Variants in ORC4 observed in about 807,000 individuals in gnomAD.
ORC4 encodes the protein origin recognition complex subunit 4.
A neutral mutation model predicts 63.9 loss-of-function variants in ORC4; 55 were observed. The ratio of observed to expected loss-of-function variants is 0.86; its 90% CI spans 0.69 to 1.08. The LOEUF (loss-of-function observed/expected upper bound fraction) is 1.08, where lower values mean the gene tolerates loss of function less well. Ranked by LOEUF, ORC4 falls within the 50% of genes least tolerant of loss-of-function variation. The pLI is 0.00. For synonymous variants in ORC4, 150 were observed against 168.5 expected (o/e 0.89, Z 0.85); for missense variants, 511 against 504.4 (o/e 1.01, Z -0.13).
At chr2:147,942,137 T>C (rs1329130987) in intron 10 of ORC4, among the ~76,000 whole-genome samples, 1 of 152,060 alleles carries the variant, frequency 6.6e-6, no homozygotes, top group Non-Finnish European at 1.5e-5. Flanking sequence ...CCAGACATAA[T>C]ATAGGTACTA....
chr2:148,014,982 G>C (rs1693179761), intron 1 of ORC4, among the ~76,000 whole-genome samples: 1 of 151,858 alleles, frequency 6.6e-6, no homozygotes, highest in South Asian at 2.1e-4. Context: ...GAAACAGTAA[G>C]AATATCACCA....
intron 1 of ORC4, among the ~76,000 whole-genome samples, chr2:147,986,889 C>T (rs1691234348): frequency 6.6e-6 from 1 of 150,816 alleles, no homozygotes; most frequent in South Asian, 2.1e-4. Flanking sequence ...CAGGTGGAAA[C>T]ATAAGTCGTT....
chr2:147,941,772 G>GTATA (rs555279244), intron 10 of ORC4, among the ~76,000 whole-genome samples: 2 of 151,212 alleles, frequency 1.3e-5, no homozygotes, highest in Non-Finnish European at 3.0e-5. Context: ...AGATGTGTGT[G>GTATA]TATATATATA....
At chr2:147,979,773 C>T (rs1021779725) in intron 1 of ORC4, among the ~76,000 whole-genome samples, 9 of 152,102 alleles carry the variant, frequency 5.9e-5, no homozygotes, top group Non-Finnish European at 8.8e-5. Context: ...TAAATCCATA[C>T]TTTTACAGTT....
At chr2:147,996,637 G>A (rs62169531) in intron 1 of ORC4, among the ~76,000 whole-genome samples, 20,680 of 152,128 alleles carry the variant, frequency 0.14, 1,709 homozygotes, top group Middle Eastern at 0.21. Context: ...TACAGAGGTG[G>A]CAAATAAGCA....
chr2:148,017,446 T>C (rs1032979677), intron 1 of ORC4, among the ~76,000 whole-genome samples: 1 of 152,160 alleles, frequency 6.6e-6, no homozygotes, highest in African/African-American at 2.4e-5. Flanking sequence ...CCAAGGTGGG[T>C]GGATCACTTG....
intron 1 of ORC4, among the ~76,000 whole-genome samples, chr2:147,996,059 C>T (rs540561658): frequency 5.5e-4 from 83 of 151,500 alleles, no homozygotes; most frequent in African/African-American, 1.9e-3. Context: ...AATCCCAGTG[C>T]TTTGGGAGGC....
intron 1 of ORC4, among the ~76,000 whole-genome samples, chr2:147,980,296 C>T (rs1690805029): frequency 6.6e-6 from 1 of 151,932 alleles, no homozygotes; most frequent in African/African-American, 2.4e-5. Context: ...TTACAAAGCA[C>T]TTACATTGTA....
chr2:147,941,799 C>T (rs909144697), intron 10 of ORC4, among the ~76,000 whole-genome samples: 5 of 151,920 alleles, frequency 3.3e-5, no homozygotes, highest in Non-Finnish European at 7.4e-5. Flanking sequence ...CACACATACA[C>T]ACACACACCC....
chr2:147,958,554 T>G (rs1293816371), intron 5 of ORC4, 171 bp from the exon 6 acceptor site: 1 of 610,484 alleles, frequency 1.6e-6, no homozygotes, highest in African/African-American at 1.9e-5. Context: ...ACAATCCTCC[T>G]TGGGATTAGA....
chr2:147,980,507 C>A (rs1367424397), intron 1 of ORC4, among the ~76,000 whole-genome samples: 2 of 151,288 alleles, frequency 1.3e-5, no homozygotes, highest in South Asian at 2.1e-4. Flanking sequence ...AAAACAACAA[C>A]AAAAAAAACT....
At chr2:147,989,150 T>C (rs1186537997) in intron 1 of ORC4, among the ~76,000 whole-genome samples, 2 of 152,178 alleles carry the variant, frequency 1.3e-5, no homozygotes, top group Non-Finnish European at 2.9e-5. Flanking sequence ...AATATGCTCA[T>C]TAGCAGCAGT....
At chr2:147,960,206 G>GT (rs1689510340) in intron 4 of ORC4, 8 of 964,854 alleles carry the variant, frequency 8.3e-6, no homozygotes, top group Non-Finnish European at 9.9e-6. Flanking sequence ...AAGGAGAGTT[G>GT]TAACAGATTT....
At chr2:148,002,637 C>G (rs1692384917) in intron 1 of ORC4, among the ~76,000 whole-genome samples, 2 of 152,162 alleles carry the variant, frequency 1.3e-5, no homozygotes, top group Middle Eastern at 6.8e-3. Context: ...ATTTATAGCA[C>G]TAAATGCCCA....
At chr2:147,998,620 G>T (rs925649921) in intron 1 of ORC4, among the ~76,000 whole-genome samples, 5 of 152,138 alleles carry the variant, frequency 3.3e-5, no homozygotes, top group African/African-American at 1.2e-4. Context: ...CTATGCTCTT[G>T]AACTTCTCAG....
intron 1 of ORC4, among the ~76,000 whole-genome samples, chr2:148,019,109 T>C (rs931704676): frequency 2.6e-5 from 4 of 152,070 alleles, no homozygotes; most frequent in African/African-American, 4.8e-5. Context: ...AGACAGACAA[T>C]TGGTTACACT....
chr2:147,966,302 C>CA (rs1429867590), intron 4 of ORC4, among the ~76,000 whole-genome samples: 1 of 151,640 alleles, frequency 6.6e-6, no homozygotes, highest in African/African-American at 2.4e-5. Context: ...CAATGCAATC[C>CA]AAAAAATTAG....
In ORC4 at chr2:147,958,803, C is replaced by T. The variant is rs779920260; in HGVS notation, c.289G>A (p.Val97Ile). ...ATGGCATACTTACCATTTAAGTGAA[C>T]TTGTAATACATTTTCACTCACTTCT... ...IEEVSENVLQ[V>I]HLNGLLQIND... is the part of the protein sequence containing the mutation. The change falls in exon 5 of 14, where the codon GTT becomes ATT. Residue 97 changes from valine to isoleucine, a missense_variant. Coordinates refer to ENST00000392857, the MANE Select transcript of ORC4 (RefSeq NM_181741.4). The T allele has an allele frequency of 6.9e-7, 1 of 1,454,366 alleles. No homozygotes were observed. Among genetic ancestry groups the T allele is most frequent in the South Asian group, 1.1e-5 (1 of 87,032 alleles). 90.1% of individuals were successfully genotyped at this position (1,454,366 alleles called of 1,614,324 possible).
chr2:148,011,373 T>A (rs1202956146), intron 1 of ORC4, among the ~76,000 whole-genome samples: 2 of 152,166 alleles, frequency 1.3e-5, no homozygotes, highest in Admixed American at 1.3e-4. Flanking sequence ...GGACACAAAG[T>A]GTATTGTCAT....
Sources: gnomAD v4.1 joint callset for allele counts (sites outside exome capture counted in the v4.1 genomes callset) on GRCh38, gnomAD v4.1.1 for gene constraint, MANE v1.5 for transcripts, NCBI Gene and HGNC (gene_info 2026-07-23, HGNC 2026-07-21) for gene names.